AFF3: variants seen among roughly 807,000 people sequenced by gnomAD.
The protein encoded by AFF3 is AF4/FMR2 family member 3.
AFF3 carries 32 observed loss-of-function variants against 129.7 expected under a neutral mutation model. The observed-to-expected ratio is 0.25, with a 90% CI of 0.19 to 0.33. AFF3 has a LOEUF of 0.33. AFF3 is among the 10% of genes least tolerant of loss of function. The pLI is 1.00. For synonymous variants in AFF3, 644 were observed against 635.4 expected (o/e 1.01, Z -0.20); for missense variants, 1,373 against 1,592.0 (o/e 0.86, Z 2.34).
intron 7 of AFF3, among the ~76,000 whole-genome samples, chr2:99,860,448 G>A (rs892638455): frequency 2.0e-5 from 3 of 152,178 alleles, no homozygotes; most frequent in Admixed American, 6.5e-5. Context: ...CAGCTACTTA[G>A]GAGGCTGAGG....
intron 4 of AFF3, among the ~76,000 whole-genome samples, chr2:100,078,756 C>T (rs1434534967): frequency 1.3e-5 from 2 of 152,072 alleles, no homozygotes; most frequent in Non-Finnish European, 2.9e-5. Flanking sequence ...TCCTAGGATG[C>T]TAAACTCCCT....
At chr2:100,081,512 T>C (rs1467382867) in intron 4 of AFF3, among the ~76,000 whole-genome samples, 1 of 152,116 alleles carries the variant, frequency 6.6e-6, no homozygotes, top group Non-Finnish European at 1.5e-5. Context: ...GCCTCCACCC[T>C]GCATCCGGCA....
At chr2:99,689,217 T>C (rs1320378276) in intron 11 of AFF3, among the ~76,000 whole-genome samples, 1 of 149,194 alleles carries the variant, frequency 6.7e-6, no homozygotes. Flanking sequence ...GCAGTCCCCC[T>C]ATGATTTAAA....
intron 7 of AFF3, among the ~76,000 whole-genome samples, chr2:99,939,604 A>T (rs1674840859): frequency 6.6e-6 from 1 of 152,240 alleles, no homozygotes; most frequent in Non-Finnish European, 1.5e-5. Flanking sequence ...TGAAAAATCC[A>T]ACTTCCATAC....
intron 11 of AFF3, among the ~76,000 whole-genome samples, chr2:99,721,527 C>CA (rs60993398): frequency 0.58 from 77,691 of 134,112 alleles, 21,472 homozygotes; most frequent in East Asian, 0.67. Flanking sequence ...GACTCTGTCT[C>CA]AAAAAAAAAA....
intron 7 of AFF3, among the ~76,000 whole-genome samples, chr2:99,856,317 G>T (rs902180640): frequency 5.9e-5 from 9 of 152,070 alleles, no homozygotes; most frequent in African/African-American, 1.7e-4. Flanking sequence ...TATTCAAAAT[G>T]TCCAAGATAT....
In AFF3 at chr2:100,011,697, G is replaced by A. The variant is rs554047702; in HGVS notation, c.54-2765C>T. ...CCGAGGGGAAAGAATCCAAGATCCC[G>A]GAGGGTCAGAACGGGAGGCAAGCTG... On this transcript the variant is annotated intron_variant, in intron 4 of 24. Transcript: ENST00000672756. 30 of 707,628 alleles carry A rather than the reference G, an allele frequency of 4.2e-5. 1 individual carries two copies. The highest frequency in any genetic ancestry group is 3.0e-4 in the African/African-American group (17 of 57,364). The allele number at this position is 707,628 out of a possible 1,614,324, so 43.8% of individuals were successfully genotyped here. A position where few individuals can be genotyped will look rare whatever the true frequency, so the allele number is the denominator to read the frequency against.
chr2:99,871,785 T>C (rs183835279), intron 7 of AFF3, among the ~76,000 whole-genome samples: 50 of 152,196 alleles, frequency 3.3e-4, no homozygotes, highest in African/African-American at 1.2e-3. Context: ...GGTGCTATGT[T>C]CACTACCTGG....
intron 7 of AFF3, among the ~76,000 whole-genome samples, chr2:99,960,478 C>T (rs1677108713): frequency 6.6e-6 from 1 of 152,100 alleles, no homozygotes; most frequent in African/African-American, 2.4e-5. Context: ...AAATGACTAG[C>T]ACCATATGGA....
chr2:99,770,148 C>G (rs1191867684), intron 8 of AFF3, among the ~76,000 whole-genome samples: 1 of 152,166 alleles, frequency 6.6e-6, no homozygotes, highest in Non-Finnish European at 1.5e-5. Flanking sequence ...CCTTAGAAAT[C>G]TACGTGGCCT....
At chr2:99,833,735 C>G (rs4122655) in intron 8 of AFF3, among the ~76,000 whole-genome samples, 1 of 152,112 alleles carries the variant, frequency 6.6e-6, no homozygotes, top group Non-Finnish European at 1.5e-5. Flanking sequence ...TGAAAAGCAC[C>G]TAAGTATTAC....
intron 4 of AFF3, among the ~76,000 whole-genome samples, chr2:100,031,303 G>C (rs979391269): frequency 6.6e-6 from 1 of 152,180 alleles, no homozygotes; most frequent in Admixed American, 6.5e-5. Context: ...GTTGAAGTGG[G>C]TGGGATTACA....
intron 15 of AFF3, among the ~76,000 whole-genome samples, chr2:99,588,864 G>A (rs1678384337): frequency 6.6e-6 from 1 of 152,162 alleles, no homozygotes; most frequent in African/African-American, 2.4e-5. Flanking sequence ...CAAGTAAAGA[G>A]CACTATAAGA....
At chr2:100,123,705 C>A (rs531994181) in intron 2 of AFF3, among the ~76,000 whole-genome samples, 1 of 152,254 alleles carries the variant, frequency 6.6e-6, no homozygotes, top group South Asian at 2.1e-4. Flanking sequence ...GCAAAATATC[C>A]TAGCAGACAT....
intron 13 of AFF3, among the ~76,000 whole-genome samples, chr2:99,602,516 T>C (rs1679938881): frequency 6.6e-6 from 1 of 152,226 alleles, no homozygotes; most frequent in Non-Finnish European, 1.5e-5. Flanking sequence ...CAGAAAGTGT[T>C]TGAGCAGAAA....
chr2:99,607,405 G>T (rs1265617806), intron 13 of AFF3, among the ~76,000 whole-genome samples: 1 of 151,880 alleles, frequency 6.6e-6, no homozygotes, highest in South Asian at 2.1e-4. Context: ...GGTGGTGGGC[G>T]CCTATAATCC....
At chr2:99,625,060 G>A (rs1682414313) in intron 13 of AFF3, among the ~76,000 whole-genome samples, 1 of 152,192 alleles carries the variant, frequency 6.6e-6, no homozygotes, top group Admixed American at 6.5e-5. Flanking sequence ...TCTACTGCTT[G>A]GAAAGAGAGG....
At chr2:99,565,384 C>G in intron 20 of AFF3, 103 bp downstream of exon 20, 3 of 1,489,604 alleles carry the variant, frequency 2.0e-6, no homozygotes, top group Non-Finnish European at 2.7e-6. Flanking sequence ...ACACTGGTTC[C>G]TGGTGGGGGA....
chr2:100,059,254 C>CCAAAA (rs777058214), intron 4 of AFF3, among the ~76,000 whole-genome samples: 1 of 31,002 alleles, frequency 3.2e-5, no homozygotes, highest in African/African-American at 1.5e-4. Flanking sequence ...ACTCTGTCTC[C>CCAAAA]AAAAAAAAAA....
Sources: allele counts gnomAD v4.1 joint callset (sites outside exome capture counted in the v4.1 genomes callset), GRCh38; gene constraint gnomAD v4.1.1; transcripts MANE v1.5; gene names NCBI Gene and HGNC (gene_info 2026-07-23, HGNC 2026-07-21).